The following RGS7 variants were observed in gnomAD, a reference collection of about 807,000 sequenced individuals.
RGS7 encodes the protein regulator of G-protein signaling 7.
Under a neutral mutation model 81.1 loss-of-function variants are expected in RGS7, and 27 were observed. The ratio of observed to expected loss-of-function variants is 0.33; its 90% CI spans 0.25 to 0.46. RGS7 has a LOEUF of 0.46. Among genes scored for constraint, RGS7 ranks in the 20% least tolerant of loss-of-function variants. The probability of loss-of-function intolerance (pLI) is 1.00; values close to 1 mark genes in which losing one functional copy is unlikely to be tolerated. For synonymous variants in RGS7, 208 were observed against 207.7 expected (o/e 1.00, Z -0.01); for missense variants, 396 against 607.4 (o/e 0.65, Z 3.66).
At chr1:241,040,311 G>A (rs2502406) in intron 3 of RGS7, among the ~76,000 whole-genome samples, 131,297 of 152,216 alleles carry the variant, frequency 0.86, 58,121 homozygotes, top group East Asian at 0.97. Context: ...AAAGAGGTTT[G>A]TCGATTTTGA....
intron 2 of RGS7, among the ~76,000 whole-genome samples, chr1:241,247,992 C>G (rs2076632839): frequency 6.6e-6 from 1 of 152,182 alleles, no homozygotes; most frequent in South Asian, 2.1e-4. Flanking sequence ...AATGGTCCAT[C>G]ACTTGTTCTG....
At chr1:240,957,399 A>T (rs988427476) in intron 4 of RGS7, among the ~76,000 whole-genome samples, 91 of 152,314 alleles carry the variant, frequency 6.0e-4, no homozygotes, top group African/African-American at 2.2e-3. Flanking sequence ...CTGAGCCACT[A>T]CTGGCTTCCT....
At chr1:241,122,243 A>G (rs1398502026) in intron 2 of RGS7, among the ~76,000 whole-genome samples, 2 of 152,130 alleles carry the variant, frequency 1.3e-5, no homozygotes, top group South Asian at 2.1e-4. Context: ...TAGTACCTAT[A>G]CCTTCTATTT....
At chr1:240,825,665 C>T (rs1231913605) in intron 10 of RGS7, among the ~76,000 whole-genome samples, 2 of 152,164 alleles carry the variant, frequency 1.3e-5, no homozygotes, top group African/African-American at 2.4e-5. Context: ...TACAATATTT[C>T]ACCTTGCAAT....
intron 2 of RGS7, among the ~76,000 whole-genome samples, chr1:241,174,971 C>T (rs190240712): frequency 7.2e-6 from 1 of 139,476 alleles, no homozygotes; most frequent in East Asian, 2.2e-4. Context: ...GGCGCAATCT[C>T]GGCTCACTAC....
At chr1:241,036,726 AG>A (rs1364519505) in intron 3 of RGS7, among the ~76,000 whole-genome samples, 4 of 152,236 alleles carry the variant, frequency 2.6e-5, no homozygotes, top group Non-Finnish European at 4.4e-5. Context: ...AGTAGAGACT[AG>A]CTGAAACTAT....
In RGS7 at chr1:241,235,590, T is replaced by A. The variant is rs150691662; in HGVS notation, c.78+120109A>T. On this transcript the variant is annotated intron_variant, in intron 2 of 18. Transcript: ENST00000440928. ...TTTTCTTTTCTTTTCTTTCTCTTTC[T>A]TTCTTCCTTTATTTTTCTTTCTTCC... Among the ~76,000 whole-genome samples the A allele has an allele frequency of 8.5e-5, 13 of 152,100 alleles. No homozygotes were observed. The East Asian group carries it at 2.5e-3, about 29-fold the overall frequency.
At chr1:240,970,423 T>C (rs555949422) in intron 4 of RGS7, among the ~76,000 whole-genome samples, 1 of 152,352 alleles carries the variant, frequency 6.6e-6, no homozygotes, top group Admixed American at 6.5e-5. Flanking sequence ...CAGTCACTCG[T>C]TGCATTACAG....
chr1:241,148,850 T>A (rs1247560545), intron 2 of RGS7, among the ~76,000 whole-genome samples: 3 of 152,284 alleles, frequency 2.0e-5, no homozygotes, highest in Admixed American at 6.5e-5. Flanking sequence ...GCATGTAGAT[T>A]ACTGTGTCTA....
intron 3 of RGS7, among the ~76,000 whole-genome samples, chr1:241,092,286 A>C (rs889582876): frequency 7.2e-5 from 11 of 152,328 alleles, no homozygotes; most frequent in African/African-American, 2.6e-4. Context: ...CAAATTTAAA[A>C]TTAATCATTT....
intron 9 of RGS7, among the ~76,000 whole-genome samples, chr1:240,867,381 T>C (rs1379546761): frequency 6.6e-6 from 1 of 152,150 alleles, no homozygotes; most frequent in Non-Finnish European, 1.5e-5. Flanking sequence ...TATATAAATA[T>C]TATTCTCTAC....
At chr1:241,259,650 C>CAAAAAAAAAAAAAAAAAAAAAA (rs71571832) in intron 2 of RGS7, among the ~76,000 whole-genome samples, 11 of 39,904 alleles carry the variant, frequency 2.8e-4, no homozygotes, top group Non-Finnish European at 3.7e-4. Context: ...AACTCCGTCT[C>CAAAAAAAAAAAAAAAAAAAAAA]AAAAAAAAAA....
intron 3 of RGS7, among the ~76,000 whole-genome samples, chr1:241,036,177 AAG>A (rs2060315732): frequency 6.6e-6 from 1 of 152,226 alleles, no homozygotes; most frequent in African/African-American, 2.4e-5. Context: ...TATACAAAGC[AAG>A]AGTTTAGTTA....
At chr1:241,167,685 A>G (rs2070377150) in intron 2 of RGS7, among the ~76,000 whole-genome samples, 2 of 151,002 alleles carry the variant, frequency 1.3e-5, no homozygotes, top group South Asian at 4.2e-4. Context: ...CGCCCGGCTA[A>G]TTTTTTGCAT....
chr1:240,931,509 A>C lies in RGS7; in HGVS notation c.334-741T>G, dbSNP rs533613366. Among the ~76,000 whole-genome samples the C allele has an allele frequency of 3.9e-5, 6 of 152,314 alleles. No homozygotes were observed. In the South Asian group the frequency reaches 1.2e-3, roughly 32 times the overall value. On this transcript the variant is annotated intron_variant, in intron 5 of 18. Transcript: ENST00000440928. ...ATTCTCCATGATGTGATGACTCCAC[A>C]TTGCATCCTTGTATCCAAACACCTC...
intron 3 of RGS7, among the ~76,000 whole-genome samples, chr1:241,044,384 A>C (rs12088223): frequency 0.071 from 10,761 of 152,088 alleles, 579 homozygotes; most frequent in African/African-American, 0.14. Context: ...TGTTGGGAAT[A>C]CAGGCATGAG....
intron 9 of RGS7, among the ~76,000 whole-genome samples, chr1:240,841,133 G>C (rs971612248): frequency 6.6e-6 from 1 of 152,154 alleles, no homozygotes; most frequent in Non-Finnish European, 1.5e-5. Flanking sequence ...TTCTTTTCCT[G>C]TGCAATGTGA....
In RGS7 at chr1:241,216,300, TA is replaced by T. The variant is rs532912292; in HGVS notation, c.79-117539del. On this transcript the variant is annotated intron_variant, in intron 2 of 18. Coordinates refer to ENST00000440928, the MANE Select transcript of RGS7 (RefSeq NM_001364886.1). Reference sequence around the variant, plus strand: ...AAAAAATAAATAAATAAAATAAAAATAAAAAAAGGAAGAAAAATGAGAATAA... The same window carrying T: ...AAAAAATAAATAAATAAAATAAAAATAAAAAAGGAAGAAAAATGAGAATAA... 1.2e-3 allele frequency among the ~76,000 whole-genome samples: 182 copies of T among 151,578 alleles called. 5 individuals are homozygous for T. In the South Asian group the frequency reaches 0.036, roughly 30 times the overall value.
chr1:241,295,399 G>C (rs1399936307), intron 2 of RGS7, among the ~76,000 whole-genome samples: 1 of 151,940 alleles, frequency 6.6e-6, no homozygotes, highest in Non-Finnish European at 1.5e-5. Flanking sequence ...GTTGCAGTGA[G>C]CCGAGATCGG....
Sources: gnomAD v4.1 joint callset for allele counts (sites outside exome capture counted in the v4.1 genomes callset) on GRCh38, gnomAD v4.1.1 for gene constraint, MANE v1.5 for transcripts, NCBI Gene and HGNC (gene_info 2026-07-23, HGNC 2026-07-21) for gene names.